Variants in LARS1 observed in about 807,000 individuals in gnomAD.
LARS1 encodes the protein leucine--tRNA ligase, cytoplasmic.
Under a neutral mutation model 162.8 loss-of-function variants are expected in LARS1, and 100 were observed. That is an observed-to-expected ratio of 0.61 (90% CI 0.52 to 0.73). LARS1 has a LOEUF of 0.73. Among genes scored for constraint, LARS1 ranks in the 30% least tolerant of loss-of-function variants. The pLI, the probability that LARS1 is intolerant of heterozygous loss-of-function variation, is 0.00. For missense variants in LARS1, 1,258 were observed against 1,408.9 expected (o/e 0.89, Z 1.71); for synonymous variants, 457 against 462.8 (o/e 0.99, Z 0.16).
At chr5:146,119,554 G>C (rs929234337) in intron 31 of LARS1, among the ~76,000 whole-genome samples, 1 of 152,076 alleles carries the variant, frequency 6.6e-6, no homozygotes, top group African/African-American at 2.4e-5. Flanking sequence ...ACAAAATAGA[G>C]AATCACAACA....
At chr5:146,165,654 T>C (rs1160663425) in intron 5 of LARS1, among the ~76,000 whole-genome samples, 1 of 71,446 alleles carries the variant, frequency 1.4e-5, no homozygotes, top group Non-Finnish European at 2.8e-5. Context: ...TACAAATATA[T>C]GATATAACCA....
chr5:146,127,799 T>C (rs1752106811), intron 27 of LARS1, among the ~76,000 whole-genome samples: 1 of 152,124 alleles, frequency 6.6e-6, no homozygotes, highest in South Asian at 2.1e-4. Flanking sequence ...ACAAAAACAT[T>C]TGCTCTTCTC....
At chr5:146,171,846 G>A in intron 4 of LARS1, 64 bp downstream of exon 4, 2 of 1,149,822 alleles carry the variant, frequency 1.7e-6, no homozygotes, top group Non-Finnish European at 2.6e-6. Context: ...TTAAGCTCTT[G>A]AATTGGGTAT....
intron 23 of LARS1, 76 bp downstream of exon 23, chr5:146,132,822 G>T: frequency 1.9e-5 from 20 of 1,052,884 alleles, no homozygotes; most frequent in East Asian, 2.6e-5. Flanking sequence ...AAAAAGAAAA[G>T]AAAAGAAAAA....
rs778977626 is a variant in LARS1 at position 146,143,032 on chromosome 5, G to A, written c.1930C>T (p.Pro644Ser). 1 of 1,613,888 alleles carries A rather than the reference G, an allele frequency of 6.2e-7. No homozygotes were observed. Among genetic ancestry groups the A allele is most frequent in the East Asian group, 2.2e-5 (1 of 44,844 alleles). Reference protein sequence around the residue: ...VWDYVFFKEAPFPKTQIAKEK... With the variant: ...VWDYVFFKEASFPKTQIAKEK... Reference sequence around the variant, plus strand: ...TTTGCAATCTGAGTCTTAGGAAATGGAGCCTCCTTGAAGAAAACATAATCC... The same window carrying A: ...TTTGCAATCTGAGTCTTAGGAAATGAAGCCTCCTTGAAGAAAACATAATCC... The change falls in exon 20 of 32, where the codon CCA (proline) becomes TCA (serine). Residue 644 changes from proline to serine, a missense_variant. Coordinates refer to ENST00000394434, the MANE Select transcript of LARS1 (RefSeq NM_020117.11).
rs542554525 is a variant in LARS1, at chr5:146,179,186, G to A, written c.7-1521C>T. Among the ~76,000 whole-genome samples, 114 of 152,042 alleles carry A rather than the reference G, an allele frequency of 7.5e-4. 1 individual carries two copies. Among genetic ancestry groups the A allele is most frequent in the South Asian group, 2.5e-3 (12 of 4,826 alleles). ...GGCGGTGGTTGCAGTGAGCCAAGATGGAGCCACTGCACTCCAGCCTAGGCA... is the reference window on the plus strand; with the variant it reads ...GGCGGTGGTTGCAGTGAGCCAAGATAGAGCCACTGCACTCCAGCCTAGGCA... On this transcript the variant is annotated intron_variant, in intron 1 of 31. Coordinates refer to ENST00000394434, the MANE Select transcript of LARS1 (RefSeq NM_020117.11).
chr5:146,176,185 G>C (rs955768690), intron 2 of LARS1, among the ~76,000 whole-genome samples: 4 of 151,998 alleles, frequency 2.6e-5, no homozygotes, highest in African/African-American at 9.7e-5. Flanking sequence ...TAGGCACGGT[G>C]GCTTATGCCT....
chr5:146,130,714 T>C (rs1911113), intron 24 of LARS1: 54,791 of 233,302 alleles, frequency 0.23, 7,775 homozygotes, highest in Admixed American at 0.34. Flanking sequence ...ATTTTGCCTT[T>C]GTTTTTATCA....
Position 146,156,071 on chromosome 5 carries a change from T to A in LARS1, c.1065+1332A>T, listed in dbSNP as rs947408173. Among the ~76,000 whole-genome samples, 4 of 152,220 alleles carry A rather than the reference T, an allele frequency of 2.6e-5. 1 individual carries two copies. Among genetic ancestry groups the A allele is most frequent in the African/African-American group, 4.8e-5 (2 of 41,452 alleles). ...AAAAAGCAAGATGTGGTACAATGCA[T>A]ATAAAGTATATTGCCATTTGTGTAA... On this transcript the variant is annotated intron_variant, in intron 10 of 31. Transcript: ENST00000394434.
At chr5:146,144,118 A>G (rs1038142653) in intron 18 of LARS1, 149 bp downstream of exon 18, 10 of 633,202 alleles carry the variant, frequency 1.6e-5, no homozygotes, top group Non-Finnish European at 2.5e-5. Context: ...ATAGTGGACT[A>G]TATCCTAGTT....
At chr5:146,142,603 C>A (rs1409553521) in intron 20 of LARS1, among the ~76,000 whole-genome samples, 5 of 152,120 alleles carry the variant, frequency 3.3e-5, no homozygotes, top group Non-Finnish European at 7.4e-5. Flanking sequence ...TAGAATTATT[C>A]CTGCATTTAA....
intron 31 of LARS1, among the ~76,000 whole-genome samples, chr5:146,115,679 T>C (rs1764177152): frequency 6.6e-6 from 1 of 151,656 alleles, no homozygotes; most frequent in Non-Finnish European, 1.5e-5. Flanking sequence ...GAAGTATATT[T>C]ATTTCAGCAA....
At position 146,126,508 on chromosome 5, in the gene LARS1, G is replaced by A; in HGVS notation, c.2918C>T (p.Ala973Val). The change falls in exon 28 of 32, where the codon GCT becomes GTT. Residue 973 changes from alanine to valine, a missense_variant. Transcript: ENST00000394434. ...TTCTGGCATACTGCCTAGTTCACTA[G>A]CAATGACTTTGTTGTCAGGCAGTTT... ...NGKLPDNKVI[A>V]SELGSMPELK... 1 of 1,612,244 alleles carries A rather than the reference G, an allele frequency of 6.2e-7. No individual in the cohort carries two copies. The highest frequency in any genetic ancestry group is 8.5e-7 in the Non-Finnish European group (1 of 1,178,736).
chr5:146,140,852 T>A (rs1371309370), intron 20 of LARS1, among the ~76,000 whole-genome samples: 3 of 151,792 alleles, frequency 2.0e-5, no homozygotes, highest in Non-Finnish European at 4.4e-5. Context: ...TACACACATA[T>A]ATATACACAC....
chr5:146,153,061 ACT>A, intron 13 of LARS1, 111 bp downstream of exon 13: 2 of 801,144 alleles, frequency 2.5e-6, no homozygotes, highest in African/African-American at 1.8e-5. Context: ...CCTTAAGCAA[ACT>A]CTCTTTTTCA....
intron 31 of LARS1, among the ~76,000 whole-genome samples, chr5:146,114,792 T>C (rs1199184036): frequency 1.3e-5 from 2 of 152,058 alleles, no homozygotes; most frequent in Admixed American, 6.5e-5. Flanking sequence ...ATGCCTTTAA[T>C]CCCAGCACTT....
At position 146,128,666 on chromosome 5, in the gene LARS1, C is replaced by G; in HGVS notation, c.2880+6G>C. On this transcript the variant is annotated splice_donor_region_variant and intron_variant, in intron 27 of 31. Transcript: ENST00000394434. ...TCAGGGGGGAAAAGTCTACTGAGAG[C>G]ATCACCTCAAAGTGTTTACGTAGAA... The G allele has an allele frequency of 1.3e-6, 2 of 1,538,236 alleles. No homozygotes were observed. The highest frequency in any genetic ancestry group is 1.7e-6 in the Non-Finnish European group (2 of 1,147,400).
chr5:146,158,771 T>C (rs931170729), intron 8 of LARS1, among the ~76,000 whole-genome samples: 3 of 152,178 alleles, frequency 2.0e-5, no homozygotes, highest in Non-Finnish European at 2.9e-5. Context: ...AACATTAGCA[T>C]GCATATACAT....
rs1178293879 is a variant in LARS1, at chr5:146,113,765, C to T, written c.*341G>A. ...TAAAAAGCTGTTAGGTACACCTTAGCCTTCATCAAAGTATAAAGTACACCT... is the reference window on the plus strand; with the variant it reads ...TAAAAAGCTGTTAGGTACACCTTAGTCTTCATCAAAGTATAAAGTACACCT... On this transcript the variant is annotated 3_prime_UTR_variant, in exon 32 of 32. Transcript: ENST00000394434. 4.6e-6 allele frequency: 1 copy of T among 216,640 alleles called. No individual in the cohort carries two copies. The highest frequency in any genetic ancestry group is 2.3e-5 in the African/African-American group (1 of 43,758). 13.4% of individuals were successfully genotyped at this position (216,640 alleles called of 1,614,324 possible).
Sources: gnomAD v4.1 joint callset for allele counts (sites outside exome capture counted in the v4.1 genomes callset) on GRCh38, gnomAD v4.1.1 for gene constraint, MANE v1.5 for transcripts, NCBI Gene and HGNC (gene_info 2026-07-23, HGNC 2026-07-21) for gene names.